The following SAMD5 variants were observed in gnomAD, a reference collection of about 807,000 sequenced individuals.
SAMD5 encodes sterile alpha motif domain containing 5, also known as sterile alpha motif domain-containing protein 5.
In SAMD5, 13 loss-of-function variants were observed where a neutral mutation model predicts 11.3. The observed-to-expected ratio is 1.15, with a 90% CI of 0.75 to 1.83. SAMD5 has a LOEUF of 1.83. Ranked by LOEUF, SAMD5 falls within the 40% of genes most tolerant of loss-of-function variation. The pLI, the probability that SAMD5 is intolerant of heterozygous loss-of-function variation, is 0.00. For synonymous variants in SAMD5, 129 were observed against 111.3 expected (o/e 1.16, Z -1.00); for missense variants, 255 against 239.1 (o/e 1.07, Z -0.44).
At chr6:147,615,973 G>A (rs1301912582) in intron 1 of SAMD5, among the ~76,000 whole-genome samples, 1 of 151,882 alleles carries the variant, frequency 6.6e-6, no homozygotes, top group Non-Finnish European at 1.5e-5. Flanking sequence ...ATGAGGAGTG[G>A]GTCACATGTG....
At position 147,700,008 on chromosome 6, in the gene SAMD5, A is replaced by C. The variant is rs117092061; in HGVS notation, c.163-37309A>C. 9.5e-3 allele frequency among the ~76,000 whole-genome samples: 1,452 copies of C among 152,304 alleles called. 9 individuals carry two copies. Among genetic ancestry groups the C allele is most frequent in the Non-Finnish European group, 0.016 (1,074 of 68,016 alleles). On this transcript the variant is annotated intron_variant, in intron 1 of 1. Transcript: ENST00000566741. ...ACCAGCCCTTCCAAGTTCAGTGCCA[A>C]ATGCTGATAGTGTGGTAATCTATGC...
chr6:147,521,435 A>G (rs1248473646), intron 1 of SAMD5, among the ~76,000 whole-genome samples: 2 of 152,136 alleles, frequency 1.3e-5, no homozygotes, highest in Non-Finnish European at 2.9e-5. Context: ...TTAGATGTCC[A>G]GAAGTGTAAA....
the SAMD5 span, among the ~76,000 whole-genome samples, chr6:147,761,050 A>C: frequency 6.6e-6 from 1 of 152,208 alleles, no homozygotes; most frequent in East Asian, 1.9e-4. Context: ...CATGTAAAAT[A>C]CATTTAAAAC....
the SAMD5 span, among the ~76,000 whole-genome samples, chr6:147,898,630 T>C: frequency 6.6e-6 from 1 of 152,236 alleles, no homozygotes; most frequent in Non-Finnish European, 1.5e-5. Context: ...CCAAGATCTC[T>C]TTTTGAATAA....
the SAMD5 span, among the ~76,000 whole-genome samples, chr6:147,806,829 G>A: frequency 6.6e-6 from 1 of 152,068 alleles, no homozygotes; most frequent in East Asian, 1.9e-4. Flanking sequence ...ATTGTATTTG[G>A]GAGGTAACTA....
chr6:147,899,462 T>C, the SAMD5 span, among the ~76,000 whole-genome samples: 1 of 152,138 alleles, frequency 6.6e-6, no homozygotes, highest in Non-Finnish European at 1.5e-5. Flanking sequence ...TTGCCAAAAT[T>C]TAAAAATGAG....
chr6:147,551,491 C>T (rs558810234), intron 1 of SAMD5, among the ~76,000 whole-genome samples: 20 of 152,062 alleles, frequency 1.3e-4, no homozygotes, highest in African/African-American at 4.8e-4. Flanking sequence ...ACTTACCATG[C>T]GAGTGTGATT....
chr6:147,721,384 T>C (rs1365048266), intron 1 of SAMD5, among the ~76,000 whole-genome samples: 5 of 152,006 alleles, frequency 3.3e-5, no homozygotes, highest in African/African-American at 9.7e-5. Flanking sequence ...TTTTAATGAT[T>C]GCCATTCTAA....
chr6:147,767,352 G>A, the SAMD5 span, among the ~76,000 whole-genome samples: 1 of 150,016 alleles, frequency 6.7e-6, no homozygotes. Flanking sequence ...GAGCTGGATG[G>A]CCCCCCAGAG....
chr6:147,672,715 A>G (rs896548191), intron 1 of SAMD5, among the ~76,000 whole-genome samples: 7 of 151,814 alleles, frequency 4.6e-5, no homozygotes, highest in East Asian at 3.9e-4. Context: ...TTTGTTGCAT[A>G]TATCTTCATA....
In SAMD5 at chr6:147,569,615, G is replaced by A; in HGVS notation, c.*5159G>A. Reference sequence around the variant, plus strand: ...TATCTCCAGGGCAAAGTGGTATGTTGACTGGGACAAACGTTAGAAATTGTA... The same window carrying A: ...TATCTCCAGGGCAAAGTGGTATGTTAACTGGGACAAACGTTAGAAATTGTA... On this transcript the variant is annotated 3_prime_UTR_variant, in exon 2 of 2. Transcript: ENST00000367474. 1 of 985,236 alleles carries A rather than the reference G, an allele frequency of 1.0e-6. No individual in the cohort carries two copies. Among genetic ancestry groups the A allele is most frequent in the East Asian group, 1.1e-4 (1 of 8,812 alleles). The allele number at this position is 985,236 out of a possible 1,614,324, so 61.0% of individuals were successfully genotyped here.
the SAMD5 span, among the ~76,000 whole-genome samples, chr6:147,875,909 G>A: frequency 8.7e-3 from 1,324 of 152,174 alleles, 20 homozygotes; most frequent in African/African-American, 0.03. Flanking sequence ...CTTATGTATT[G>A]CAATGTAATA....
chr6:147,525,424 A>C (rs534236838), intron 1 of SAMD5, among the ~76,000 whole-genome samples: 38 of 150,870 alleles, frequency 2.5e-4, no homozygotes, highest in African/African-American at 9.0e-4. Context: ...TGAAAAGTCC[A>C]TAGAACACTA....
At chr6:147,919,646 A>G in the SAMD5 span, among the ~76,000 whole-genome samples, 89,074 of 152,112 alleles carry the variant, frequency 0.59, 26,839 homozygotes, top group African/African-American at 0.73. Context: ...AGGCCTGACC[A>G]TATTGACTGA....
At chr6:147,586,483 T>A (rs1030955197) in intron 1 of SAMD5, among the ~76,000 whole-genome samples, 1 of 152,142 alleles carries the variant, frequency 6.6e-6, no homozygotes, top group Non-Finnish European at 1.5e-5. Flanking sequence ...GAAACAGCTC[T>A]ATGGATATTT....
intron 1 of SAMD5, among the ~76,000 whole-genome samples, chr6:147,640,288 A>G (rs889931678): frequency 6.6e-6 from 1 of 150,638 alleles, no homozygotes; most frequent in African/African-American, 2.4e-5. Flanking sequence ...AATCCATACC[A>G]CTGCACTCCA....
At chr6:147,744,585 A>G in the SAMD5 span, among the ~76,000 whole-genome samples, 1 of 152,252 alleles carries the variant, frequency 6.6e-6, no homozygotes, top group Admixed American at 6.5e-5. Flanking sequence ...AAGGAAGGAA[A>G]AGGGGAAGGC....
the SAMD5 span, among the ~76,000 whole-genome samples, chr6:147,906,585 T>C: frequency 6.6e-6 from 1 of 152,206 alleles, no homozygotes; most frequent in Non-Finnish European, 1.5e-5. Flanking sequence ...TCCCTGTTGA[T>C]GCTTAGTCAG....
At chr6:147,687,368 G>A (rs1471300236) in intron 1 of SAMD5, among the ~76,000 whole-genome samples, 1 of 141,084 alleles carries the variant, frequency 7.1e-6, no homozygotes, top group African/African-American at 2.7e-5. Context: ...CTGCAACCCT[G>A]ACCTCCCGGG....
Sources: allele counts gnomAD v4.1 joint callset (sites outside exome capture counted in the v4.1 genomes callset), GRCh38; gene constraint gnomAD v4.1.1; transcripts MANE v1.5; gene names NCBI Gene and HGNC (gene_info 2026-07-23, HGNC 2026-07-21).